ANK3: variants seen among roughly 807,000 people sequenced by gnomAD.
The protein encoded by ANK3 is ankyrin-3.
ANK3 carries 57 observed loss-of-function variants against 370.9 expected under a neutral mutation model. The ratio of observed to expected loss-of-function variants is 0.15; its 90% confidence interval spans 0.12 to 0.19. ANK3 has a LOEUF of 0.19. Ranked by LOEUF, ANK3 falls within the 10% of genes least tolerant of loss-of-function variation. The pLI is 1.00. For synonymous variants in ANK3, 1,929 were observed against 1,946.3 expected, an observed-to-expected ratio of 0.99 and a Z score of 0.23; for missense variants, 4,439 against 5,302.1, an observed-to-expected ratio of 0.84 and a Z score of 5.06.
chr10:60,440,713 A>G (rs923866841), intron 2 of ANK3, among the ~76,000 whole-genome samples: 8 of 152,192 alleles, frequency 5.3e-5, no homozygotes, highest in Admixed American at 3.3e-4. Flanking sequence ...AGTGGGGAAC[A>G]GGAATTTGCA....
chr10:60,232,063 C>A (rs999174159), intron 8 of ANK3, among the ~76,000 whole-genome samples: 2 of 152,146 alleles, frequency 1.3e-5, no homozygotes, highest in African/African-American at 4.8e-5. Flanking sequence ...ATGTTTTTCT[C>A]CTGGCCCTCC....
intron 1 of ANK3, among the ~76,000 whole-genome samples, chr10:60,709,134 T>C (rs982937932): frequency 1.5e-4 from 23 of 152,162 alleles, no homozygotes; most frequent in Admixed American, 1.5e-3. Flanking sequence ...CAAAAGCAGT[T>C]TGAAGAGACA....
At chr10:60,068,100 G>C in intron 37 of ANK3, 91 bp from the exon 38 acceptor site, 2 of 1,124,650 alleles carry the variant, frequency 1.8e-6, no homozygotes, top group East Asian at 2.4e-5. Context: ...TTTACAGAGA[G>C]ACTAATGCTA....
At chr10:60,708,050 A>G (rs1440303235) in intron 1 of ANK3, among the ~76,000 whole-genome samples, 3 of 152,146 alleles carry the variant, frequency 2.0e-5, no homozygotes, top group Non-Finnish European at 4.4e-5. Context: ...TGAACTTCCC[A>G]TGTCTCCACC....
intron 1 of ANK3, among the ~76,000 whole-genome samples, chr10:60,342,705 T>C (rs1594150663): frequency 6.6e-6 from 1 of 152,246 alleles, no homozygotes; most frequent in Admixed American, 6.5e-5. Context: ...AGTTAGGTAA[T>C]AGGCTGGATG....
At chr10:60,547,556 C>T (rs529225094) in intron 2 of ANK3, among the ~76,000 whole-genome samples, 63 of 152,000 alleles carry the variant, frequency 4.1e-4, no homozygotes, top group Admixed American at 1.0e-3. Flanking sequence ...TGCGCCACCA[C>T]GCCCTGCTAA....
chr10:60,670,642 T>A (rs1215628364), intron 1 of ANK3, among the ~76,000 whole-genome samples: 1 of 152,086 alleles, frequency 6.6e-6, no homozygotes, highest in South Asian at 2.1e-4. Flanking sequence ...ACCCCTGGAG[T>A]GGCTTCCCGT....
At chr10:60,084,889 A>C (rs1414326763) in intron 31 of ANK3, 59 bp from the exon 32 acceptor site, 8 of 1,252,542 alleles carry the variant, frequency 6.4e-6, no homozygotes, top group Non-Finnish European at 8.8e-6. Flanking sequence ...CAAATCTTAA[A>C]AAGACTCACA....
intron 8 of ANK3, among the ~76,000 whole-genome samples, chr10:60,228,767 G>A (rs1317365088): frequency 3.9e-5 from 6 of 152,060 alleles, no homozygotes; most frequent in African/African-American, 1.4e-4. Flanking sequence ...TTAGATGTGA[G>A]CATTACCAAC....
intron 1 of ANK3, among the ~76,000 whole-genome samples, chr10:60,649,120 T>C (rs1488314323): frequency 1.3e-5 from 2 of 152,136 alleles, no homozygotes; most frequent in East Asian, 3.9e-4. Flanking sequence ...CCAAGACAGA[T>C]TCAAGATACC....
intron 1 of ANK3, among the ~76,000 whole-genome samples, chr10:60,712,478 T>C (rs577199611): frequency 4.6e-5 from 7 of 152,282 alleles, no homozygotes; most frequent in South Asian, 2.1e-4. Context: ...ACCACCAAAA[T>C]ATTTTTTTAA....
chr10:60,358,648 TCTGA>T (rs1204405292), intron 1 of ANK3, among the ~76,000 whole-genome samples: 3 of 152,202 alleles, frequency 2.0e-5, no homozygotes, highest in African/African-American at 7.2e-5. Context: ...TACTTGTATA[TCTGA>T]CTGACTTGCT....
chr10:60,205,932 T>A, intron 10 of ANK3, 42 bp from the exon 11 acceptor site: 1 of 1,310,520 alleles, frequency 7.6e-7, no homozygotes, highest in Non-Finnish European at 1.1e-6. Context: ...CTACATTCCA[T>A]CAAAATCCAG....
intron 16 of ANK3, 131 bp downstream of exon 16, chr10:60,196,014 G>A: frequency 1.4e-6 from 1 of 692,902 alleles, no homozygotes; most frequent in Non-Finnish European, 2.5e-6. Context: ...GTCCTAAGGT[G>A]CTTCTATTTC....
chr10:60,523,836 CT>C (rs1412670226), intron 2 of ANK3, among the ~76,000 whole-genome samples: 1 of 152,040 alleles, frequency 6.6e-6, no homozygotes, highest in African/African-American at 2.4e-5. Context: ...CATATACACT[CT>C]TTGTCACTAC....
chr10:60,054,066 C>T (rs1046036905), intron 42 of ANK3, among the ~76,000 whole-genome samples: 1 of 152,146 alleles, frequency 6.6e-6, no homozygotes, highest in Non-Finnish European at 1.5e-5. Flanking sequence ...AATTTTCAAC[C>T]GTCTTTATGC....
At chr10:60,495,895 A>G (rs2075642265) in intron 2 of ANK3, among the ~76,000 whole-genome samples, 1 of 152,114 alleles carries the variant, frequency 6.6e-6, no homozygotes, top group Admixed American at 6.6e-5. Flanking sequence ...GCAAATCCCT[A>G]TTCAGAAAGG....
At chr10:60,636,149 C>T (rs1036184920) in intron 1 of ANK3, among the ~76,000 whole-genome samples, 4 of 152,126 alleles carry the variant, frequency 2.6e-5, no homozygotes, top group African/African-American at 7.2e-5. Context: ...TAAATCATTA[C>T]ATAATATAGC....
At chr10:60,184,874 A>C (rs1330834865) in intron 17 of ANK3, among the ~76,000 whole-genome samples, 1 of 152,352 alleles carries the variant, frequency 6.6e-6, no homozygotes, top group East Asian at 1.9e-4. Context: ...TCTGGAAGAA[A>C]TGATGAAATA....
Sources: allele counts gnomAD v4.1 joint callset (sites outside exome capture counted in the v4.1 genomes callset), GRCh38; gene constraint gnomAD v4.1.1; transcripts MANE v1.5; gene names NCBI Gene and HGNC (gene_info 2026-07-23, HGNC 2026-07-21).